Variants in ZDHHC20 observed in about 807,000 individuals in gnomAD.
ZDHHC20 encodes the protein palmitoyltransferase ZDHHC20.
In ZDHHC20, 43 loss-of-function variants were observed where a neutral mutation model predicts 57.8. The observed-to-expected ratio is 0.74, with a 90% confidence interval of 0.58 to 0.96. ZDHHC20 has a LOEUF of 0.96. ZDHHC20 is among the 40% of genes least tolerant of loss of function. ZDHHC20 has a pLI of 0.00. For missense variants in ZDHHC20, 391 were observed against 441.1 expected, an observed-to-expected ratio of 0.89 and a Z score of 1.02; for synonymous variants, 157 against 153.0, an observed-to-expected ratio of 1.03 and a Z score of -0.19.
At chr13:21,390,481 CG>C (rs1875486684) in intron 8 of ZDHHC20, among the ~76,000 whole-genome samples, 2 of 152,100 alleles carry the variant, frequency 1.3e-5, no homozygotes, top group African/African-American at 4.8e-5. Flanking sequence ...TGACACAATA[CG>C]TAAGTCTCAC....
chr13:21,395,746 C>T (rs762130772), intron 7 of ZDHHC20, among the ~76,000 whole-genome samples: 12 of 149,516 alleles, frequency 8.0e-5, no homozygotes, highest in African/African-American at 1.2e-4. Flanking sequence ...GTGATCCGCT[C>T]GCCTCAGCCT....
chr13:21,458,769 C>G (rs1885136105), intron 1 of ZDHHC20, among the ~76,000 whole-genome samples: 2 of 152,214 alleles, frequency 1.3e-5, no homozygotes, highest in Admixed American at 6.5e-5. Context: ...GATGCAGACC[C>G]CCGGTGTCGG....
intron 1 of ZDHHC20, among the ~76,000 whole-genome samples, chr13:21,450,757 GTTT>G (rs759841531): frequency 7.1e-6 from 1 of 141,104 alleles, no homozygotes. Flanking sequence ...TAAAAAGGTG[GTTT>G]TTTTTTTTTT....
At chr13:21,397,625 C>A (rs895473851) in intron 7 of ZDHHC20, among the ~76,000 whole-genome samples, 1 of 152,108 alleles carries the variant, frequency 6.6e-6, no homozygotes, top group Non-Finnish European at 1.5e-5. Flanking sequence ...CGCACCACTG[C>A]ACTCCAGCCT....
At chr13:21,418,472 A>G (rs1020156649) in intron 3 of ZDHHC20, among the ~76,000 whole-genome samples, 4 of 151,120 alleles carry the variant, frequency 2.6e-5, no homozygotes, top group Non-Finnish European at 4.4e-5. Context: ...CCATATATTA[A>G]TATCTATTAT....
chr13:21,407,543 A>G (rs1878621224), intron 4 of ZDHHC20, among the ~76,000 whole-genome samples: 1 of 152,130 alleles, frequency 6.6e-6, no homozygotes, highest in Non-Finnish European at 1.5e-5. Context: ...AGATGGATAG[A>G]TTGCAAAAAT....
At chr13:21,458,422 CCTT>C (rs1459241005) in intron 1 of ZDHHC20, among the ~76,000 whole-genome samples, 1 of 152,158 alleles carries the variant, frequency 6.6e-6, no homozygotes, top group African/African-American at 2.4e-5. Flanking sequence ...TCTGTCTTAA[CCTT>C]CTGCAAAAGC....
chr13:21,403,711 G>A (rs777998358), intron 4 of ZDHHC20, among the ~76,000 whole-genome samples: 4 of 152,102 alleles, frequency 2.6e-5, no homozygotes, highest in African/African-American at 7.2e-5. Flanking sequence ...TTTCTGGGAC[G>A]GAGTGTCGCT....
At chr13:21,398,874 G>A (rs1384053764) in intron 7 of ZDHHC20, among the ~76,000 whole-genome samples, 1 of 152,160 alleles carries the variant, frequency 6.6e-6, no homozygotes, top group Non-Finnish European at 1.5e-5. Flanking sequence ...AACAGCAATT[G>A]TGAATGCCAC....
intron 9 of ZDHHC20, 74 bp downstream of exon 9, chr13:21,387,434 T>G: frequency 8.4e-7 from 1 of 1,186,182 alleles, no homozygotes; most frequent in Non-Finnish European, 1.1e-6. Flanking sequence ...ATTCTCTAAA[T>G]CTGAAGACAT....
rs1874272652 is a variant in ZDHHC20, at chr13:21,385,359, G to T, written c.854+2149C>A. ...CACAAGAATTGCTTGAACCCAGGAG[G>T]CACAGGTTGCAGTGAGCCTAGATCG... is the stretch of plus-strand genomic sequence containing the variant. On this transcript the variant is annotated intron_variant, in intron 9 of 12. Transcript: ENST00000400590. 2.0e-5 allele frequency among the ~76,000 whole-genome samples: 3 copies of T among 152,274 alleles called. No individual in the cohort carries two copies. In the South Asian group the frequency reaches 6.2e-4, roughly 32 times the overall value.
intron 1 of ZDHHC20, among the ~76,000 whole-genome samples, chr13:21,451,931 T>C (rs1593289187): frequency 6.6e-6 from 1 of 150,478 alleles, no homozygotes; most frequent in Admixed American, 6.6e-5. Context: ...GAGGCGGAGG[T>C]TGCAATGAGC....
intron 1 of ZDHHC20, among the ~76,000 whole-genome samples, chr13:21,434,698 T>C (rs944524882): frequency 1.3e-5 from 2 of 152,204 alleles, no homozygotes; most frequent in African/African-American, 4.8e-5. Context: ...TGATGACTTT[T>C]TGAAAAGATC....
At chr13:21,450,845 C>T (rs1884380377) in intron 1 of ZDHHC20, among the ~76,000 whole-genome samples, 2 of 151,402 alleles carry the variant, frequency 1.3e-5, no homozygotes, top group African/African-American at 4.9e-5. Context: ...GCCTCGAAAT[C>T]CTGGGCTCAA....
intron 1 of ZDHHC20, among the ~76,000 whole-genome samples, chr13:21,454,581 A>G (rs184712857): frequency 8.0e-4 from 122 of 152,022 alleles, no homozygotes; most frequent in Non-Finnish European, 1.3e-3. Flanking sequence ...CTAGAAAAAG[A>G]GCATATTAAA....
At chr13:21,406,700 C>T (rs1447405844) in intron 4 of ZDHHC20, among the ~76,000 whole-genome samples, 2 of 152,152 alleles carry the variant, frequency 1.3e-5, no homozygotes, top group African/African-American at 4.8e-5. Context: ...CATGTCCCTG[C>T]AAAGGACATG....
Position 21,381,458 on chromosome 13 carries a change from C to G in ZDHHC20, c.1036G>C (p.Ala346Pro), listed in dbSNP as rs759187697. The G allele has an allele frequency of 6.2e-7, 1 of 1,613,820 alleles. No individual in the cohort carries two copies. Among genetic ancestry groups the G allele is most frequent in the Non-Finnish European group, 8.5e-7 (1 of 1,179,824 alleles). The change falls in exon 11 of 13, where the codon GCT becomes CCT. Residue 346 changes from alanine to proline, a missense_variant. Around this residue, in one of 3 missense-constraint regions of ZDHHC20, gnomAD observed 197 missense variants for 220.8 expected, o/e 0.89. Transcript: ENST00000400590. Reference protein sequence around the residue: ...DSESQWLENGAEEGIVKSGTN... With the variant: ...DSESQWLENGPEEGIVKSGTN... ...CCTGATTTGACGATGCCTTCTTCAG[C>G]TCCATTCTCCAGCCACTGAGATTCA...
chr13:21,452,778 T>A (rs1422877991), intron 1 of ZDHHC20, among the ~76,000 whole-genome samples: 1 of 152,078 alleles, frequency 6.6e-6, no homozygotes, highest in Non-Finnish European at 1.5e-5. Context: ...ACACATGTTA[T>A]AAGCCCTAAA....
In ZDHHC20 at chr13:21,453,985, T is replaced by G. The variant is rs1884687263; in HGVS notation, c.118+5069A>C. 2.0e-5 allele frequency among the ~76,000 whole-genome samples: 3 copies of G among 152,122 alleles called. No homozygotes were observed. The South Asian group carries it at 6.2e-4, about 32-fold the overall frequency. ...TCTCAGCCTCCTGAGTAGGCTGGAC[T>G]TCAGACACAAGCCACCATGCCCATC... On this transcript the variant is annotated intron_variant, in intron 1 of 12. Transcript: ENST00000400590.
Sources: allele counts gnomAD v4.1 joint callset (sites outside exome capture counted in the v4.1 genomes callset), GRCh38; gene constraint gnomAD v4.1.1; regional missense constraint gnomAD v4.1.1; transcripts MANE v1.5; gene names NCBI Gene and HGNC (gene_info 2026-07-23, HGNC 2026-07-21).